The following DNAH7 variants were observed in gnomAD, a reference collection of about 807,000 sequenced individuals.
DNAH7 encodes the protein dynein axonemal heavy chain 7, also known as axonemal beta dynein heavy chain 7.
Under a neutral mutation model 444.6 loss-of-function variants are expected in DNAH7, and 397 were observed. The observed-to-expected ratio is 0.89, with a 90% CI of 0.82 to 0.97. The LOEUF (loss-of-function observed/expected upper bound fraction) is 0.97. DNAH7 is among the 50% of genes least tolerant of loss of function. The probability of loss-of-function intolerance (pLI) is 0.00; values close to 1 mark genes in which losing one functional copy is unlikely to be tolerated. For missense variants in DNAH7, 4,902 were observed against 4,800.8 expected (o/e 1.02, Z -0.62); for synonymous variants, 1,636 against 1,624.4 (o/e 1.01, Z -0.17).
At chr2:195,906,410 A>AACACAC (rs150739355) in intron 27 of DNAH7, among the ~76,000 whole-genome samples, 13,579 of 139,738 alleles carry the variant, frequency 0.097, 687 homozygotes, top group African/African-American at 0.13. Context: ...TACACACAGA[A>AACACAC]ACACACACAC....
intron 47 of DNAH7, among the ~76,000 whole-genome samples, chr2:195,839,906 A>G (rs1698582498): frequency 6.6e-6 from 1 of 151,788 alleles, no homozygotes; most frequent in Non-Finnish European, 1.5e-5. Flanking sequence ...CCAGGCACAG[A>G]TAATTTCTTT....
At chr2:195,968,685 T>A (rs963477448) in intron 17 of DNAH7, among the ~76,000 whole-genome samples, 3 of 152,294 alleles carry the variant, frequency 2.0e-5, no homozygotes, top group Admixed American at 2.0e-4. Context: ...CAGGACAGCA[T>A]CAGGGCTTGC....
chr2:195,978,686 T>C (rs1321776465), intron 15 of DNAH7, among the ~76,000 whole-genome samples: 1 of 152,144 alleles, frequency 6.6e-6, no homozygotes, highest in Non-Finnish European at 1.5e-5. Flanking sequence ...GAAACACACT[T>C]CACCTACAAA....
chr2:195,798,400 A>G (rs965629147), intron 55 of DNAH7, among the ~76,000 whole-genome samples: 4 of 152,174 alleles, frequency 2.6e-5, no homozygotes, highest in African/African-American at 9.7e-5. Context: ...AATTGTACCA[A>G]ATCGAAAAAA....
At chr2:195,952,121 G>T (rs772743267) in intron 19 of DNAH7, among the ~76,000 whole-genome samples, 3 of 152,158 alleles carry the variant, frequency 2.0e-5, no homozygotes, top group Non-Finnish European at 4.4e-5. Flanking sequence ...AGTAAGGCAG[G>T]CCTGGTGTTG....
chr2:195,981,408 T>C (rs1692562807), intron 15 of DNAH7, among the ~76,000 whole-genome samples: 1 of 151,868 alleles, frequency 6.6e-6, no homozygotes, highest in East Asian at 1.9e-4. Context: ...ATGTCCATAC[T>C]ACCCCAAAAA....
intron 46 of DNAH7, 134 bp from the exon 47 acceptor site, chr2:195,845,299 T>A: frequency 4.7e-6 from 3 of 644,474 alleles, no homozygotes; most frequent in Non-Finnish European, 7.2e-6. Flanking sequence ...AAATGATTTC[T>A]GTTTCTCAGA....
chr2:195,846,944 C>CAT (rs201998978), intron 46 of DNAH7, among the ~76,000 whole-genome samples: 2,464 of 115,142 alleles, frequency 0.021, 34 homozygotes, highest in Non-Finnish European at 0.033. Flanking sequence ...AATAAACTCC[C>CAT]ATATATGTGT....
chr2:196,013,551 T>A (rs1016867804), intron 9 of DNAH7, among the ~76,000 whole-genome samples: 2 of 152,234 alleles, frequency 1.3e-5, no homozygotes, highest in Admixed American at 1.3e-4. Context: ...AAAAATCACA[T>A]TTAATGTTTC....
At chr2:195,929,982 G>A (rs772938773) in intron 21 of DNAH7, among the ~76,000 whole-genome samples, 10 of 152,142 alleles carry the variant, frequency 6.6e-5, no homozygotes, top group Non-Finnish European at 1.2e-4. Context: ...ATCTGACCAA[G>A]GTCTAATATC....
intron 63 of DNAH7, among the ~76,000 whole-genome samples, chr2:195,747,671 C>G (rs1033096083): frequency 1.2e-4 from 19 of 152,204 alleles, no homozygotes; most frequent in Non-Finnish European, 2.8e-4. Flanking sequence ...GGATGCAAGG[C>G]TGGTTCCATA....
intron 40 of DNAH7, among the ~76,000 whole-genome samples, chr2:195,865,690 T>C (rs546270611): frequency 2.1e-4 from 32 of 152,310 alleles, no homozygotes; most frequent in African/African-American, 7.5e-4. Context: ...GGGTACAGTC[T>C]ATTTTGGACT....
At chr2:195,844,445 A>G (rs1329107217) in intron 47 of DNAH7, among the ~76,000 whole-genome samples, 1 of 152,230 alleles carries the variant, frequency 6.6e-6, no homozygotes, top group African/African-American at 2.4e-5. Context: ...CTGGGAGGTG[A>G]GACCTGGAGG....
intron 36 of DNAH7, among the ~76,000 whole-genome samples, chr2:195,881,532 A>C (rs1352270693): frequency 3.9e-5 from 6 of 152,248 alleles, no homozygotes; most frequent in Non-Finnish European, 7.3e-5. Flanking sequence ...ATTCTTATTA[A>C]AATATCAAAA....
chr2:195,859,585 G>A (rs1699903954), intron 42 of DNAH7, among the ~76,000 whole-genome samples: 1 of 152,056 alleles, frequency 6.6e-6, no homozygotes, highest in South Asian at 2.1e-4. Flanking sequence ...TCAAAAAACA[G>A]ACTGGAGTAG....
chr2:195,834,274 T>G lies in DNAH7; in HGVS notation c.9032A>C (p.Tyr3011Ser). 6.2e-7 allele frequency: 1 copy of G among 1,609,866 alleles called. No homozygotes were observed. Among genetic ancestry groups the G allele is most frequent in the Non-Finnish European group, 8.5e-7 (1 of 1,176,494 alleles). ...IKNMEKANSL[Y>S]VIKLSEPDYV... is the part of the protein sequence containing the mutation. ...GTCAGGTTCACTAAGTTTAATCACA[T>G]AAAGACTATTGGCTTTTTCCATGTT... The change falls in exon 48 of 65, where the codon TAT becomes TCT. Residue 3011 changes from tyrosine (Y) to serine (S), a missense_variant. Physicochemically the swap from Tyr to Ser is moderately radical, Grantham distance 144. Transcript: ENST00000312428.
At chr2:195,786,890 C>T (rs993485046) in intron 58 of DNAH7, 120 bp downstream of exon 58, 3 of 1,045,300 alleles carry the variant, frequency 2.9e-6, no homozygotes, top group Non-Finnish European at 4.0e-6. Context: ...CTGTTGGGAA[C>T]TACTCTCCTA....
In DNAH7 at chr2:195,809,817, C is replaced by T. The variant is rs376859694; in HGVS notation, c.9816G>A (p.Arg3272=). ...FTYSLYVNVC[R]SLFEKDKLLF... ...GCAGCTTATCCTTTTCAAAGAGTGA[C>T]CGGCAGACATTAACATACAGTGAAT... Residue 3272 remains arginine, a synonymous_variant, in exon 52 of 65, where the codon CGG becomes CGA. Transcript: ENST00000312428. 185 of 1,597,692 alleles carry T rather than the reference C, an allele frequency of 1.2e-4. 1 individual carries two copies. Among genetic ancestry groups the T allele is most frequent in the Middle Eastern group, 5.0e-4 (3 of 6,030 alleles).
At chr2:196,039,570 G>T in intron 5 of DNAH7, among the ~76,000 whole-genome samples, 1 of 152,156 alleles carries the variant, frequency 6.6e-6, no homozygotes, top group East Asian at 1.9e-4. Flanking sequence ...AGCCAAGGCA[G>T]CTGGATCACT....
Sources: allele counts gnomAD v4.1 joint callset (sites outside exome capture counted in the v4.1 genomes callset), GRCh38; gene constraint gnomAD v4.1.1; transcripts MANE v1.5; gene names NCBI Gene and HGNC (gene_info 2026-07-23, HGNC 2026-07-21).